Variants in FRMPD4 observed in about 807,000 individuals in gnomAD.
FRMPD4 encodes the protein FERM and PDZ domain-containing protein 4.
FRMPD4 carries 22 observed loss-of-function variants against 94.1 expected under a neutral mutation model. That is an observed-to-expected ratio of 0.23 (90% CI 0.17 to 0.33). The LOEUF is 0.33. FRMPD4 is among the 10% of genes least tolerant of loss of function. FRMPD4 has a pLI of 1.00. For missense variants in FRMPD4, 1,111 were observed against 1,339.9 expected (o/e 0.83, Z 2.67); for synonymous variants, 631 against 548.6 (o/e 1.15, Z -2.10).
intron 1 of FRMPD4, among the ~76,000 whole-genome samples, chrX:12,151,519 C>A (rs2055850784): frequency 8.9e-6 from 1 of 112,032 alleles, no homozygotes; most frequent in Admixed American, 9.5e-5. Context: ...TCCACAAATT[C>A]TTCAAATATT....
At chrX:12,333,127 G>C (rs1306223415) in intron 1 of FRMPD4, among the ~76,000 whole-genome samples, 2 of 111,772 alleles carry the variant, frequency 1.8e-5, no homozygotes, top group East Asian at 2.8e-4. Context: ...ATAAACATCT[G>C]TTTGCTTTAA....
chrX:12,567,040 A>C (rs761750712), intron 2 of FRMPD4, among the ~76,000 whole-genome samples: 37 of 111,616 alleles, frequency 3.3e-4, no homozygotes, highest in South Asian at 7.6e-4. Context: ...AAGATAGGTA[A>C]GTCATTATAC....
intron 1 of FRMPD4, among the ~76,000 whole-genome samples, chrX:12,252,796 G>T (rs1028038017): frequency 2.7e-5 from 3 of 112,218 alleles, no homozygotes; most frequent in African/African-American, 9.7e-5. Flanking sequence ...TTTGACTGTT[G>T]TGGGAGGGCA....
chrX:12,718,601 A>C lies in FRMPD4; in HGVS notation c.3775A>C (p.Ile1259Leu). Residue 1259 changes from isoleucine to leucine, a missense_variant, in exon 16 of 17, where the codon ATT (isoleucine) becomes CTT (leucine). This residue lies in a region of FRMPD4 where 551 missense variants were observed against 591.6 expected (regional missense o/e 0.93). Transcript: ENST00000675598. ...PDASGKGVNY[I>L]PSEERAPGLP... The stretch of plus-strand genomic sequence containing the variant: ...CGCTTCTGGGAAAGGCGTGAATTAC[A>C]TTCCTTCAGAGGAGAGAGCCCCTGG... 8.3e-7 allele frequency: 1 copy of C among 1,210,758 alleles called. No individual in the cohort carries two copies. The highest frequency in any genetic ancestry group is 1.8e-5 in the South Asian group (1 of 56,944).
intron 1 of FRMPD4, among the ~76,000 whole-genome samples, chrX:12,337,347 T>C (rs780055165): frequency 3.6e-5 from 4 of 112,097 alleles, no homozygotes; most frequent in African/African-American, 1.3e-4. Context: ...AGAACGTTAA[T>C]TGAGGATCCA....
chrX:12,352,665 G>A (rs781541064), intron 1 of FRMPD4, among the ~76,000 whole-genome samples: 52 of 112,136 alleles, frequency 4.6e-4, no homozygotes, highest in African/African-American at 1.7e-3. Flanking sequence ...CATTTTAACA[G>A]CAAAAGTAGA....
chrX:12,121,454 C>T (rs1237305068), intron 3 of FRMPD4, among the ~76,000 whole-genome samples: 4 of 112,014 alleles, frequency 3.6e-5, no homozygotes, highest in African/African-American at 1.3e-4. Context: ...ATATAATTCA[C>T]ACAAACAAAA....
chrX:11,865,217 G>A lies in FRMPD4; in HGVS notation c.-30+1G>A, dbSNP rs2091698523. On this transcript the variant is annotated splice_donor_variant, in intron 2 of 18. Transcript: ENST00000640291. LOFTEE classifies it low-confidence loss of function (5UTR_SPLICE). ...TCATCATCATCTTTGAAATATACAG[G>A]TAAGTGGTTATATTCATTTTGAGAG... Among the ~76,000 whole-genome samples the A allele has an allele frequency of 8.9e-6, 1 of 111,862 alleles. No individual in the cohort carries two copies. Among genetic ancestry groups the A allele is most frequent in the Non-Finnish European group, 1.9e-5 (1 of 53,109 alleles).
chrX:12,298,460 T>G (rs748145218), intron 1 of FRMPD4, among the ~76,000 whole-genome samples: 8 of 112,587 alleles, frequency 7.1e-5, no homozygotes, highest in Non-Finnish European at 1.3e-4. Flanking sequence ...TCCCTTATAG[T>G]AGCTGTTCTA....
chrX:12,674,942 G>A (rs898788050), intron 5 of FRMPD4, 34 bp downstream of exon 5: 4 of 935,322 alleles, frequency 4.3e-6, no homozygotes, highest in South Asian at 2.0e-5. Flanking sequence ...GCCACTTAAT[G>A]TTCTCAGGCT....
In FRMPD4 at chrX:12,463,681, G is replaced by GTGTTTTTTTT. The variant is rs1555969426; in HGVS notation, c.42-34998_42-34997insGTTTTTTTTT. Among the ~76,000 whole-genome samples the GTGTTTTTTTT allele has an allele frequency of 9.0e-4, 46 of 51,037 alleles. 2 individuals are homozygous for GTGTTTTTTTT. The highest frequency in any genetic ancestry group is 2.7e-3 in the South Asian group (2 of 730). The allele number at this position is 51,037 out of a possible 115,157, so 44.3% of individuals were successfully genotyped here. On this transcript the variant is annotated intron_variant, in intron 1 of 16. Transcript: ENST00000675598. ...GGGTGCCTGTGCCTCCTATGTGTGT[G>GTGTTTTTTTT]TTTTTTTTTTGTTTTTGTTTTTTTT...
chrX:12,232,483 A>G (rs930001306), intron 1 of FRMPD4, among the ~76,000 whole-genome samples: 1 of 110,752 alleles, frequency 9.0e-6, no homozygotes, highest in Non-Finnish European at 1.9e-5. Context: ...TGCCCCCATG[A>G]TTCAATTACC....
chrX:11,985,726 G>A, intron 3 of FRMPD4, among the ~76,000 whole-genome samples: 1 of 111,423 alleles, frequency 9.0e-6, no homozygotes, highest in Middle Eastern at 4.6e-3. Flanking sequence ...GAGCTCTTAG[G>A]TTTTAAGTGA....
chrX:12,484,057 A>G (rs2057715802), intron 1 of FRMPD4, among the ~76,000 whole-genome samples: 1 of 112,012 alleles, frequency 8.9e-6, no homozygotes, highest in Admixed American at 9.5e-5. Flanking sequence ...GCTGAGCATT[A>G]GAATATACAA....
At chrX:12,263,495 G>C (rs1187817251) in intron 1 of FRMPD4, among the ~76,000 whole-genome samples, 2 of 111,956 alleles carry the variant, frequency 1.8e-5, no homozygotes, top group African/African-American at 3.2e-5. Context: ...AGCCAGTAGA[G>C]AGTTGGCATT....
chrX:12,416,777 C>A (rs775795386), intron 1 of FRMPD4, among the ~76,000 whole-genome samples: 1 of 111,410 alleles, frequency 9.0e-6, no homozygotes, highest in Non-Finnish European at 1.9e-5. Context: ...TGTTAAAAAT[C>A]AAAAAATGCT....
chrX:11,900,167 T>C (rs1313318538), intron 3 of FRMPD4, among the ~76,000 whole-genome samples: 2 of 104,081 alleles, frequency 1.9e-5, no homozygotes, highest in Non-Finnish European at 3.9e-5. Flanking sequence ...GCTTTCTTGA[T>C]TGGGTGATAG....
Position 12,559,747 on chromosome X carries a change from A to G in FRMPD4, c.159-49974A>G, listed in dbSNP as rs867215587. ...TAAAATATTTTTATTTAATAAAACA[A>G]TAAAATAAAAATTGTGTGACAAGGG... On this transcript the variant is annotated intron_variant, in intron 2 of 16. Transcript: ENST00000675598. Among the ~76,000 whole-genome samples the G allele has an allele frequency of 3.4e-4, 38 of 111,857 alleles. No homozygotes were observed. The Middle Eastern group carries it at 0.018, about 54-fold the overall frequency.
chrX:12,489,618 G>C (rs1287167315), intron 1 of FRMPD4, among the ~76,000 whole-genome samples: 1 of 112,411 alleles, frequency 8.9e-6, no homozygotes, highest in Non-Finnish European at 1.9e-5. Flanking sequence ...TGTAATCACT[G>C]TCAAGTTCTA....
Sources: allele counts gnomAD v4.1 joint callset (sites outside exome capture counted in the v4.1 genomes callset), GRCh38; gene constraint gnomAD v4.1.1; regional missense constraint gnomAD v4.1.1; transcripts MANE v1.5; gene names NCBI Gene and HGNC (gene_info 2026-07-23, HGNC 2026-07-21).